SPAG9: variants seen among roughly 807,000 people sequenced by gnomAD.
SPAG9 encodes sperm associated antigen 9.
SPAG9 carries 35 observed loss-of-function variants against 166.5 expected under a neutral mutation model. The ratio of observed to expected loss-of-function variants is 0.21; its 90% CI spans 0.16 to 0.28. SPAG9 has a LOEUF of 0.28. SPAG9 is among the 10% of genes least tolerant of loss of function. SPAG9 has a pLI of 1.00. For synonymous variants in SPAG9, 534 were observed against 565.5 expected (o/e 0.94, Z 0.79); for missense variants, 1,235 against 1,603.3 (o/e 0.77, Z 3.92).
rs564264234 is a variant in SPAG9, at chr17:51,051,557, T to C, written c.496-4088A>G. 1.8e-4 allele frequency among the ~76,000 whole-genome samples: 27 copies of C among 152,236 alleles called. No homozygotes were observed. In the East Asian group the frequency reaches 4.7e-3, roughly 26 times the overall value. ...CAACATGGTGAAACCCAGTCTCTAC[T>C]AAAAATACAAAAAGTAGCCGAGCGT... On this transcript the variant is annotated intron_variant, in intron 3 of 29. Coordinates refer to ENST00000262013, the MANE Select transcript of SPAG9 (RefSeq NM_001130528.3).
chr17:51,028,028 T>C (rs1322421300), intron 6 of SPAG9, among the ~76,000 whole-genome samples: 6 of 150,800 alleles, frequency 4.0e-5, no homozygotes, highest in Admixed American at 6.6e-5. Flanking sequence ...GCTAATAATA[T>C]GTGTGTGTCT....
chr17:50,994,067 AC>A, intron 18 of SPAG9, 132 bp from the exon 19 acceptor site: 1 of 859,632 alleles, frequency 1.2e-6, no homozygotes. Flanking sequence ...TAAAAATACA[AC>A]CACTGATGTG....
At chr17:51,008,348 A>C (rs1022894803) in intron 9 of SPAG9, among the ~76,000 whole-genome samples, 1 of 152,076 alleles carries the variant, frequency 6.6e-6, no homozygotes, top group Non-Finnish European at 1.5e-5. Context: ...ACACTAGGGA[A>C]TATCACTCAA....
At chr17:51,094,204 T>C (rs1198810170) in intron 1 of SPAG9, among the ~76,000 whole-genome samples, 2 of 152,176 alleles carry the variant, frequency 1.3e-5, no homozygotes, top group Admixed American at 1.3e-4. Flanking sequence ...GTAAACTGTA[T>C]CCAGGCACAC....
intron 1 of SPAG9, among the ~76,000 whole-genome samples, chr17:51,082,434 CCT>C (rs2048192499): frequency 6.6e-6 from 1 of 151,080 alleles, no homozygotes; most frequent in South Asian, 2.1e-4. Context: ...ATCTCTCCTC[CCT>C]GTTTATTTTC....
At chr17:51,093,094 G>C (rs1374169960) in intron 1 of SPAG9, among the ~76,000 whole-genome samples, 1 of 149,602 alleles carries the variant, frequency 6.7e-6, no homozygotes, top group African/African-American at 2.4e-5. Context: ...AAAAAAGTTG[G>C]CCAGGCATAG....
chr17:51,113,411 G>A (rs1469487046), intron 1 of SPAG9, among the ~76,000 whole-genome samples: 1 of 151,204 alleles, frequency 6.6e-6, no homozygotes, highest in African/African-American at 2.4e-5. Flanking sequence ...CGGGCACAGT[G>A]TCTCACACCT....
At position 51,065,253 on chromosome 17, in the gene SPAG9, G is replaced by A. The variant is rs189237448; in HGVS notation, c.425-8771C>T. On this transcript the variant is annotated intron_variant, in intron 2 of 29. Transcript: ENST00000262013. ...TCGCTATTTTGCCCAGGCTGGTTAT[G>A]AACTCCTGGGCTCAAGCAATCCTCC... Among the ~76,000 whole-genome samples the A allele has an allele frequency of 3.0e-3, 451 of 152,052 alleles. 1 individual carries two copies. Among genetic ancestry groups the A allele is most frequent in the Non-Finnish European group, 4.6e-3 (315 of 67,962 alleles).
At chr17:51,112,009 A>G (rs1482411982) in intron 1 of SPAG9, among the ~76,000 whole-genome samples, 1 of 151,976 alleles carries the variant, frequency 6.6e-6, no homozygotes, top group African/African-American at 2.4e-5. Flanking sequence ...AATTTAAAAA[A>G]AGATGTCTTA....
intron 1 of SPAG9, among the ~76,000 whole-genome samples, chr17:51,097,374 G>A (rs1237839554): frequency 6.6e-6 from 1 of 152,090 alleles, no homozygotes; most frequent in Non-Finnish European, 1.5e-5. Flanking sequence ...TGGACACAGA[G>A]GATTCATCAA....
At chr17:50,989,598 T>C (rs1250784627) in intron 21 of SPAG9, 79 bp downstream of exon 21, 3 of 1,108,890 alleles carry the variant, frequency 2.7e-6, no homozygotes, top group African/African-American at 3.1e-5. Context: ...TGGAAATCTT[T>C]TGACTGTTTG....
At chr17:51,046,542 G>A in intron 4 of SPAG9, 1 of 1,536,140 alleles carries the variant, frequency 6.5e-7, no homozygotes, top group Non-Finnish European at 8.7e-7. Flanking sequence ...TGGCACACCG[G>A]TAGAAATAGA....
intron 1 of SPAG9, among the ~76,000 whole-genome samples, chr17:51,082,906 G>A (rs1043731068): frequency 6.6e-6 from 1 of 152,016 alleles, no homozygotes; most frequent in Non-Finnish European, 1.5e-5. Flanking sequence ...AATTTGATTG[G>A]TGATGACCCC....
intron 6 of SPAG9, among the ~76,000 whole-genome samples, chr17:51,028,936 T>C (rs2046289666): frequency 6.6e-6 from 1 of 152,188 alleles, no homozygotes; most frequent in Non-Finnish European, 1.5e-5. Flanking sequence ...TCAAATCCTA[T>C]TGTCTGACAT....
intron 7 of SPAG9, among the ~76,000 whole-genome samples, chr17:51,020,841 C>T (rs2045911153): frequency 6.6e-6 from 1 of 152,132 alleles, no homozygotes; most frequent in South Asian, 2.1e-4. Context: ...CAATATCCTC[C>T]CATATACTTT....
intron 1 of SPAG9, among the ~76,000 whole-genome samples, chr17:51,098,068 C>T (rs2048694347): frequency 6.6e-6 from 1 of 152,186 alleles, no homozygotes; most frequent in Non-Finnish European, 1.5e-5. Context: ...AAGCAATCCA[C>T]CTGCCTCAGC....
chr17:51,036,519 C>T (rs573711602), intron 5 of SPAG9, among the ~76,000 whole-genome samples: 16 of 152,092 alleles, frequency 1.1e-4, no homozygotes, highest in Non-Finnish European at 1.8e-4. Context: ...TTTTCCCATG[C>T]ATCTTCTTTC....
chr17:50,999,351 C>T (rs1466199488), intron 14 of SPAG9: 6 of 724,288 alleles, frequency 8.3e-6, no homozygotes, highest in South Asian at 2.3e-5. Context: ...AATGGGGATC[C>T]AGGTCATTTT....
intron 19 of SPAG9, among the ~76,000 whole-genome samples, chr17:50,991,060 C>A (rs1256077446): frequency 6.6e-6 from 1 of 152,002 alleles, no homozygotes; most frequent in Non-Finnish European, 1.5e-5. Context: ...GTGTGAGCCA[C>A]CACGCCTGGC....
Sources: allele counts gnomAD v4.1 joint callset (sites outside exome capture counted in the v4.1 genomes callset), GRCh38; gene constraint gnomAD v4.1.1; transcripts MANE v1.5; gene names NCBI Gene and HGNC (gene_info 2026-07-23, HGNC 2026-07-21).